The following PLA2G4A variants were observed in gnomAD, a reference collection of about 807,000 sequenced individuals.
The protein encoded by PLA2G4A is phospholipase A2 group IVA, also known as cytosolic phospholipase A2.
PLA2G4A carries 40 observed loss-of-function variants against 81.9 expected under a neutral mutation model. The ratio of observed to expected loss-of-function variants is 0.49; its 90% CI spans 0.38 to 0.64. The LOEUF (loss-of-function observed/expected upper bound fraction) is 0.64. PLA2G4A is among the 30% of genes least tolerant of loss of function. The pLI is 0.00. For synonymous variants in PLA2G4A, 302 were observed against 296.9 expected (o/e 1.02, Z -0.18); for missense variants, 715 against 905.1 (o/e 0.79, Z 2.69).
At chr1:186,987,379 C>T (rs182641188) in intron 17 of PLA2G4A, among the ~76,000 whole-genome samples, 22 of 152,322 alleles carry the variant, frequency 1.4e-4, no homozygotes, top group Admixed American at 1.2e-3. Flanking sequence ...GGCTGAAAAG[C>T]CCGTGGACTG....
At chr1:186,879,692 T>G (rs1330680826) in intron 3 of PLA2G4A, among the ~76,000 whole-genome samples, 1 of 151,916 alleles carries the variant, frequency 6.6e-6, no homozygotes, top group Non-Finnish European at 1.5e-5. Flanking sequence ...ATATAAGTGT[T>G]TCTTAAATAA....
intron 3 of PLA2G4A, among the ~76,000 whole-genome samples, chr1:186,873,797 C>G (rs1015233922): frequency 6.6e-6 from 1 of 152,022 alleles, no homozygotes; most frequent in African/African-American, 2.4e-5. Context: ...TATAGCATCT[C>G]TTTCATTCCT....
Position 186,905,051 on chromosome 1 carries a change from C to T in PLA2G4A, c.379-1914C>T, listed in dbSNP as rs151315938. 6.0e-4 allele frequency among the ~76,000 whole-genome samples: 91 copies of T among 152,232 alleles called. 1 individual carries two copies. The highest frequency in any genetic ancestry group is 2.0e-3 in the African/African-American group (83 of 41,538). ...TGTATTTTTAGTAGAGATGGGATTT[C>T]GCCATGTTAGCCAGGCTGGTTTCGA... On this transcript the variant is annotated intron_variant, in intron 5 of 17. Transcript: ENST00000367466.
rs11406614 is a variant in PLA2G4A, at chr1:186,962,118, C to CTT, written c.1580-3283_1580-3282dup. ...ATCACAATGTCTGTATTCAAGTAAC[C>CTT]TTTTTTTTTCTACTTAATAATGGCC... On this transcript the variant is annotated intron_variant, in intron 14 of 17. Transcript: ENST00000367466. Among the ~76,000 whole-genome samples the CTT allele has an allele frequency of 1.6e-3, 236 of 150,718 alleles. 1 individual carries two copies. The highest frequency in any genetic ancestry group is 2.6e-3 in the Non-Finnish European group (176 of 67,636).
chr1:186,860,358 T>G (rs1178974339), intron 2 of PLA2G4A, among the ~76,000 whole-genome samples: 38 of 152,130 alleles, frequency 2.5e-4, no homozygotes. Context: ...TCTGAAGGCC[T>G]GAGAACCAGG....
At chr1:186,914,098 T>TG in intron 7 of PLA2G4A, among the ~76,000 whole-genome samples, 2 of 31,666 alleles carry the variant, frequency 6.3e-5, no homozygotes, top group African/African-American at 7.8e-4. Context: ...TTTTTTTGTG[T>TG]TTTTTTTTTG....
At chr1:186,879,623 G>T (rs563277602) in intron 3 of PLA2G4A, among the ~76,000 whole-genome samples, 1 of 151,880 alleles carries the variant, frequency 6.6e-6, no homozygotes, top group Non-Finnish European at 1.5e-5. Context: ...TGTTAAATGG[G>T]AGTAATAATC....
At chr1:186,915,948 A>G (rs1655120908) in intron 7 of PLA2G4A, among the ~76,000 whole-genome samples, 1 of 152,174 alleles carries the variant, frequency 6.6e-6, no homozygotes, top group South Asian at 2.1e-4. Flanking sequence ...CCAGGAATTC[A>G]TCAGGAACTG....
intron 1 of PLA2G4A, among the ~76,000 whole-genome samples, chr1:186,830,443 A>C (rs1290246841): frequency 4.6e-5 from 7 of 151,838 alleles, no homozygotes; most frequent in Non-Finnish European, 8.8e-5. Context: ...CCCCATCTCT[A>C]CTAAAAATAG....
chr1:186,941,500 A>G (rs1301861927), intron 10 of PLA2G4A, among the ~76,000 whole-genome samples: 2 of 152,188 alleles, frequency 1.3e-5, no homozygotes, highest in Admixed American at 1.3e-4. Flanking sequence ...GTTTCCTACA[A>G]CCGGGGAGTA....
intron 14 of PLA2G4A, among the ~76,000 whole-genome samples, chr1:186,963,154 G>T (rs1657019688): frequency 6.6e-6 from 1 of 152,056 alleles, no homozygotes; most frequent in African/African-American, 2.4e-5. Flanking sequence ...TCATCATTAG[G>T]ATAAATGTAA....
chr1:186,972,349 T>C (rs1299156096), intron 15 of PLA2G4A, among the ~76,000 whole-genome samples: 1 of 152,122 alleles, frequency 6.6e-6, no homozygotes, highest in Non-Finnish European at 1.5e-5. Flanking sequence ...TTAGAGCTCA[T>C]CCAAAGACAA....
intron 15 of PLA2G4A, among the ~76,000 whole-genome samples, chr1:186,976,914 C>T (rs1473860203): frequency 6.6e-6 from 1 of 152,188 alleles, no homozygotes; most frequent in Non-Finnish European, 1.5e-5. Flanking sequence ...TATTTCTCTT[C>T]TCATTCTGGC....
At chr1:186,833,301 AG>A (rs112789331) in intron 1 of PLA2G4A, among the ~76,000 whole-genome samples, 2,099 of 152,282 alleles carry the variant, frequency 0.014, 57 homozygotes, top group African/African-American at 0.049. Flanking sequence ...AGGCTGAGGC[AG>A]GGGGATCATT....
At chr1:186,858,616 T>G (rs1006761850) in intron 2 of PLA2G4A, among the ~76,000 whole-genome samples, 1 of 152,092 alleles carries the variant, frequency 6.6e-6, no homozygotes, top group Non-Finnish European at 1.5e-5. Context: ...TCAAACTTCA[T>G]CTGGACATCT....
At chr1:186,882,863 A>G (rs1265287446) in intron 3 of PLA2G4A, among the ~76,000 whole-genome samples, 1 of 152,158 alleles carries the variant, frequency 6.6e-6, no homozygotes, top group African/African-American at 2.4e-5. Context: ...GCTAAAACTT[A>G]GAGACAGATT....
chr1:186,872,566 GTTA>G (rs1207838116), intron 3 of PLA2G4A, among the ~76,000 whole-genome samples: 1 of 151,934 alleles, frequency 6.6e-6, no homozygotes, highest in African/African-American at 2.4e-5. Context: ...GACAACGGCT[GTTA>G]TTGTGCTTAA....
intron 7 of PLA2G4A, among the ~76,000 whole-genome samples, chr1:186,920,435 G>A (rs1325337401): frequency 6.6e-6 from 1 of 152,202 alleles, no homozygotes; most frequent in African/African-American, 2.4e-5. Context: ...ACTACTGAAT[G>A]TTCAGCACCA....
intron 9 of PLA2G4A, among the ~76,000 whole-genome samples, chr1:186,939,460 G>T (rs1393106838): frequency 6.8e-6 from 1 of 147,850 alleles, no homozygotes; most frequent in Non-Finnish European, 1.5e-5. Context: ...TTTTGAATGT[G>T]TGAGGAAGTG....
Sources: gnomAD v4.1 joint callset for allele counts (sites outside exome capture counted in the v4.1 genomes callset) on GRCh38, gnomAD v4.1.1 for gene constraint, MANE v1.5 for transcripts, NCBI Gene and HGNC (gene_info 2026-07-23, HGNC 2026-07-21) for gene names.